The following NAALADL2 variants were observed in gnomAD, a reference collection of about 807,000 sequenced individuals.
NAALADL2 encodes the protein inactive N-acetylated-alpha-linked acidic dipeptidase-like protein 2.
A neutral mutation model predicts 87.2 loss-of-function variants in NAALADL2; 76 were observed. The observed-to-expected ratio is 0.87, with a 90% CI of 0.72 to 1.05. The LOEUF is 1.05. Ranked by LOEUF, NAALADL2 falls within the 50% of genes least tolerant of loss-of-function variation. The pLI, the probability that NAALADL2 is intolerant of heterozygous loss-of-function variation, is 0.00. For missense variants in NAALADL2, 1,089 were observed against 945.8 expected (o/e 1.15, Z -1.99); for synonymous variants, 354 against 331.0 (o/e 1.07, Z -0.75).
intron 3 of NAALADL2, among the ~76,000 whole-genome samples, chr3:174,843,564 G>A (rs959449184): frequency 3.3e-5 from 5 of 152,122 alleles, no homozygotes; most frequent in East Asian, 1.9e-4. Flanking sequence ...CCAGTAATGA[G>A]ATTGCAAGAA....
intron 1 of NAALADL2, among the ~76,000 whole-genome samples, chr3:175,041,147 A>G (rs1386019751): frequency 6.6e-6 from 1 of 152,064 alleles, no homozygotes; most frequent in South Asian, 2.1e-4. Context: ...TGCTGATGCT[A>G]TGTTTTCTAG....
intron 2 of NAALADL2, among the ~76,000 whole-genome samples, chr3:174,675,440 TCAC>T (rs992198188): frequency 3.3e-5 from 5 of 152,070 alleles, no homozygotes; most frequent in Admixed American, 1.3e-4. Context: ...AGTGAAGTGT[TCAC>T]CACTTTCCAT....
chr3:174,493,763 A>G (rs927200485), intron 1 of NAALADL2, among the ~76,000 whole-genome samples: 2 of 152,186 alleles, frequency 1.3e-5, no homozygotes, highest in African/African-American at 4.8e-5. Flanking sequence ...TATTTTCTCA[A>G]TCAATATGTT....
intron 1 of NAALADL2, among the ~76,000 whole-genome samples, chr3:174,445,548 A>C (rs374286245): frequency 1.8e-4 from 28 of 152,112 alleles, no homozygotes; most frequent in African/African-American, 6.5e-4. Flanking sequence ...ACATTCAAAG[A>C]AATAGATGAG....
intron 1 of NAALADL2, among the ~76,000 whole-genome samples, chr3:175,014,782 A>AAATCCTCC (rs1236596264): frequency 6.6e-6 from 1 of 152,158 alleles, no homozygotes; most frequent in African/African-American, 2.4e-5. Context: ...ACACTTAAAT[A>AAATCCTCC]ATGGAAGTGT....
chr3:175,152,619 G>A (rs1211289701), intron 2 of NAALADL2, among the ~76,000 whole-genome samples: 1 of 152,134 alleles, frequency 6.6e-6, no homozygotes, highest in Non-Finnish European at 1.5e-5. Flanking sequence ...GAATTCTAAT[G>A]TATTGTCTAG....
intron 13 of NAALADL2, among the ~76,000 whole-genome samples, chr3:175,798,463 A>C (rs1753770328): frequency 6.6e-6 from 1 of 152,028 alleles, no homozygotes; most frequent in Non-Finnish European, 1.5e-5. Context: ...TAGCATATGG[A>C]AAATGTGTTT....
In NAALADL2 at chr3:175,044,912, G is replaced by A. The variant is rs116496082; in HGVS notation, c.44-51878G>A. ...TTGATTAATTCTAGTCACAGAGAGC[G>A]AAGGGGCGCAATTTCTGATTTTTTT... On this transcript the variant is annotated intron_variant, in intron 1 of 13. Coordinates refer to ENST00000454872, the MANE Select transcript of NAALADL2 (RefSeq NM_207015.3). Among the ~76,000 whole-genome samples the A allele has an allele frequency of 2.8e-3, 410 of 148,330 alleles. 1 individual carries two copies. The highest frequency in any genetic ancestry group is 9.1e-3 in the African/African-American group (366 of 40,282).
intron 1 of NAALADL2, among the ~76,000 whole-genome samples, chr3:174,997,042 G>C (rs1178704818): frequency 8.9e-6 from 1 of 112,138 alleles, no homozygotes; most frequent in Non-Finnish European, 1.7e-5. Flanking sequence ...GTGTGTGTAT[G>C]TGTATATATA....
At chr3:174,908,459 T>C (rs1733253520) in intron 1 of NAALADL2, among the ~76,000 whole-genome samples, 1 of 152,072 alleles carries the variant, frequency 6.6e-6, no homozygotes, top group African/African-American at 2.4e-5. Flanking sequence ...ACGATGGCTC[T>C]AGAAACAGGC....
intron 3 of NAALADL2, among the ~76,000 whole-genome samples, chr3:174,844,158 T>C (rs1441579908): frequency 6.6e-6 from 1 of 152,150 alleles, no homozygotes; most frequent in Non-Finnish European, 1.5e-5. Context: ...AGGTCTTACA[T>C]GTATGTATGT....
At chr3:174,626,786 G>A (rs571708975) in intron 2 of NAALADL2, among the ~76,000 whole-genome samples, 1 of 152,070 alleles carries the variant, frequency 6.6e-6, no homozygotes, top group East Asian at 1.9e-4. Flanking sequence ...AGAAATGAAA[G>A]TGCGCTTTTT....
chr3:174,698,886 C>A (rs796919860), intron 2 of NAALADL2, among the ~76,000 whole-genome samples: 4 of 94,098 alleles, frequency 4.3e-5, no homozygotes, highest in African/African-American at 3.1e-4. Flanking sequence ...AAAAAAAATT[C>A]TATTTAGAAT....
At chr3:175,344,630 C>T (rs1026155534) in intron 5 of NAALADL2, among the ~76,000 whole-genome samples, 3 of 151,992 alleles carry the variant, frequency 2.0e-5, no homozygotes, top group African/African-American at 4.8e-5. Context: ...ACTATTGACA[C>T]GTAAGATTAT....
At chr3:174,676,902 A>G (rs1727089718) in intron 2 of NAALADL2, among the ~76,000 whole-genome samples, 1 of 151,994 alleles carries the variant, frequency 6.6e-6, no homozygotes, top group African/African-American at 2.4e-5. Flanking sequence ...TGAATTTAAT[A>G]ATTATATCAT....
At chr3:174,890,965 T>C (rs982688360) in intron 1 of NAALADL2, among the ~76,000 whole-genome samples, 1 of 152,042 alleles carries the variant, frequency 6.6e-6, no homozygotes, top group Admixed American at 6.6e-5. Flanking sequence ...AGAAAATTAT[T>C]TTTTTATTAT....
intron 1 of NAALADL2, among the ~76,000 whole-genome samples, chr3:175,035,855 GA>G (rs1370245221): frequency 6.6e-6 from 1 of 152,126 alleles, no homozygotes; most frequent in Non-Finnish European, 1.5e-5. Flanking sequence ...AACCTGGACT[GA>G]CCAAATCTGA....
At chr3:175,218,697 A>G (rs1209311072) in intron 2 of NAALADL2, among the ~76,000 whole-genome samples, 1 of 152,112 alleles carries the variant, frequency 6.6e-6, no homozygotes, top group Non-Finnish European at 1.5e-5. Flanking sequence ...GAATTCTTTC[A>G]TTGGCTATAT....
intron 1 of NAALADL2, among the ~76,000 whole-genome samples, chr3:174,477,247 A>G (rs1170385127): frequency 6.6e-6 from 1 of 152,120 alleles, no homozygotes; most frequent in Non-Finnish European, 1.5e-5. Flanking sequence ...GCCAAATATC[A>G]TTTGCTATAG....
Sources: allele counts gnomAD v4.1 joint callset (sites outside exome capture counted in the v4.1 genomes callset), GRCh38; gene constraint gnomAD v4.1.1; transcripts MANE v1.5; gene names NCBI Gene and HGNC (gene_info 2026-07-23, HGNC 2026-07-21).